Variants in TNKS observed in about 807,000 individuals in gnomAD.
The protein encoded by TNKS is poly [ADP-ribose] polymerase tankyrase-1.
Under a neutral mutation model 135.8 loss-of-function variants are expected in TNKS, and 72 were observed. The ratio of observed to expected loss-of-function variants is 0.53; its 90% CI spans 0.44 to 0.64. The LOEUF (loss-of-function observed/expected upper bound fraction) is 0.64, where lower values mean the gene tolerates loss of function less well. Ranked by LOEUF, TNKS falls within the 30% of genes least tolerant of loss-of-function variation. The pLI, the probability that TNKS is intolerant of heterozygous loss-of-function variation, is 0.00. For synonymous variants in TNKS, 849 were observed against 649.3 expected (o/e 1.31, Z -4.68); for missense variants, 1,769 against 1,674.0 (o/e 1.06, Z -0.99).
chr8:9,754,921 C>G (rs561307168), intron 20 of TNKS, among the ~76,000 whole-genome samples: 1 of 152,296 alleles, frequency 6.6e-6, no homozygotes, highest in South Asian at 2.1e-4. Flanking sequence ...TCCTTATTCC[C>G]TAACTGAAGG....
chr8:9,697,188 G>C (rs4840435), intron 5 of TNKS, among the ~76,000 whole-genome samples: 149,162 of 152,294 alleles, frequency 0.98, 73,118 homozygotes, highest in East Asian at 1. Context: ...CCAACGAAAA[G>C]AATTAATGGG....
At chr8:9,609,948 C>G (rs1395898538) in intron 2 of TNKS, among the ~76,000 whole-genome samples, 1 of 152,112 alleles carries the variant, frequency 6.6e-6, no homozygotes, top group Non-Finnish European at 1.5e-5. Flanking sequence ...AGCTCCACCT[C>G]CCGGGTTCAC....
At chr8:9,596,126 T>C (rs550198172) in intron 2 of TNKS, among the ~76,000 whole-genome samples, 62 of 152,082 alleles carry the variant, frequency 4.1e-4, no homozygotes, top group African/African-American at 1.4e-3. Context: ...CATATATACA[T>C]ACATACATAC....
At chr8:9,679,913 GC>G (rs1802709387) in intron 3 of TNKS, 37 bp from the exon 4 acceptor site, 1 of 1,575,032 alleles carries the variant, frequency 6.3e-7, no homozygotes, top group East Asian at 2.2e-5. Context: ...TCTGTCTTCT[GC>G]CAAATGCTAA....
intron 3 of TNKS, among the ~76,000 whole-genome samples, chr8:9,624,112 T>C (rs1799968471): frequency 6.6e-6 from 1 of 152,170 alleles, no homozygotes; most frequent in South Asian, 2.1e-4. Flanking sequence ...AATCTTTTTG[T>C]GTAATTAAAG....
chr8:9,575,288 T>C, intron 1 of TNKS: 1 of 648,632 alleles, frequency 1.5e-6, no homozygotes, highest in Non-Finnish European at 1.9e-6. Context: ...GGTTTCACCA[T>C]GTTAGCTAGG....
At chr8:9,768,361 G>A (rs529781457) in intron 25 of TNKS, among the ~76,000 whole-genome samples, 12 of 152,344 alleles carry the variant, frequency 7.9e-5, no homozygotes, top group East Asian at 1.9e-4. Context: ...AGGCATCTCC[G>A]GAGAGGCTGT....
At chr8:9,760,534 G>A (rs184714766) in intron 20 of TNKS, among the ~76,000 whole-genome samples, 4 of 152,286 alleles carry the variant, frequency 2.6e-5, no homozygotes, top group Admixed American at 1.3e-4. Flanking sequence ...TCTATAAAAG[G>A]ATTTCTTGGT....
intron 5 of TNKS, among the ~76,000 whole-genome samples, chr8:9,696,998 A>T (rs865859183): frequency 1.3e-5 from 2 of 152,196 alleles, no homozygotes; most frequent in Non-Finnish European, 2.9e-5. Context: ...AGCCAAAGCA[A>T]TCCTAAGCAA....
chr8:9,618,085 C>T (rs1425232472), intron 3 of TNKS, among the ~76,000 whole-genome samples: 3 of 147,728 alleles, frequency 2.0e-5, no homozygotes, highest in Non-Finnish European at 4.4e-5. Context: ...CTCCCGGGTT[C>T]AAGCGATTCT....
At chr8:9,617,605 C>T (rs1277038698) in intron 3 of TNKS, among the ~76,000 whole-genome samples, 1 of 152,080 alleles carries the variant, frequency 6.6e-6, no homozygotes, top group Non-Finnish European at 1.5e-5. Context: ...TTTTTCTGCC[C>T]ATACAGGTTC....
intron 2 of TNKS, among the ~76,000 whole-genome samples, chr8:9,590,534 T>C (rs966346204): frequency 2.0e-5 from 3 of 152,218 alleles, no homozygotes; most frequent in African/African-American, 7.2e-5. Context: ...TGCCTTAATA[T>C]AAACACAGGA....
chr8:9,753,105 G>A (rs1442942633), intron 20 of TNKS, among the ~76,000 whole-genome samples: 2 of 151,960 alleles, frequency 1.3e-5, no homozygotes, highest in East Asian at 3.9e-4. Context: ...CCCCAAAATT[G>A]TCTAACAAAT....
rs929872910 is a variant in TNKS at position 9,776,806 on chromosome 8, A to G, written c.*70A>G. The G allele has an allele frequency of 2.8e-6, 4 of 1,431,916 alleles. No homozygotes were observed. In the African/African-American group the frequency reaches 4.2e-5, roughly 15 times the overall value. The allele number at this position is 1,431,916 out of a possible 1,614,324, so 88.7% of individuals were successfully genotyped here. ...TGGATTACAGAGGATTGTTTCTAAT[A>G]ACAACATCAATATTCTAGAAGTCCC... On this transcript the variant is annotated 3_prime_UTR_variant, in exon 27 of 27. Transcript: ENST00000310430.
At position 9,781,696 on chromosome 8, in the gene TNKS, G is replaced by C. The variant is rs1808462704; in HGVS notation, c.*4960G>C. The C allele has an allele frequency of 6.6e-6, 1 of 152,610 alleles. No individual in the cohort carries two copies. The highest frequency in any genetic ancestry group is 2.4e-5 in the African/African-American group (1 of 41,446). The allele number at this position is 152,610 out of a possible 1,614,324, so 9.5% of individuals were successfully genotyped here. The stretch of plus-strand genomic sequence containing the variant: ...TCAAAACATTTACAAAACCAGCTTT[G>C]AGAAAATGTTATGTTGCCTGGCAAC... On this transcript the variant is annotated 3_prime_UTR_variant, in exon 27 of 27. Transcript: ENST00000310430.
intron 5 of TNKS, 42 bp downstream of exon 5, chr8:9,680,842 C>G: frequency 6.5e-7 from 1 of 1,532,858 alleles, no homozygotes; most frequent in African/African-American, 1.4e-5. Context: ...TGCAATGCTT[C>G]AAAATTTTGT....
intron 8 of TNKS, 102 bp from the exon 9 acceptor site, chr8:9,708,269 G>C: frequency 9.2e-7 from 1 of 1,085,018 alleles, no homozygotes. Flanking sequence ...TTAAAATAGA[G>C]AAATTCATAA....
At chr8:9,575,989 T>G (rs4128198) in intron 1 of TNKS, among the ~76,000 whole-genome samples, 62,471 of 151,696 alleles carry the variant, frequency 0.41, 13,291 homozygotes, top group East Asian at 0.61. Flanking sequence ...GGAGGAAGGG[T>G]GAGAGGAGAA....
At chr8:9,744,142 A>G (rs994357025) in intron 17 of TNKS, among the ~76,000 whole-genome samples, 1 of 152,192 alleles carries the variant, frequency 6.6e-6, no homozygotes, top group Non-Finnish European at 1.5e-5. Context: ...TAAAAATTAC[A>G]AGTTGCATGA....
Sources: allele counts gnomAD v4.1 joint callset (sites outside exome capture counted in the v4.1 genomes callset), GRCh38; gene constraint gnomAD v4.1.1; transcripts MANE v1.5; gene names NCBI Gene and HGNC (gene_info 2026-07-23, HGNC 2026-07-21).